Variants in CNBD1 observed in about 807,000 individuals in gnomAD.
CNBD1 encodes cyclic nucleotide-binding domain-containing protein 1.
Under a neutral mutation model 54.4 loss-of-function variants are expected in CNBD1, and 71 were observed. The ratio of observed to expected loss-of-function variants is 1.30; its 90% CI spans 1.08 to 1.59. The LOEUF (loss-of-function observed/expected upper bound fraction) is 1.59, where lower values mean the gene tolerates loss of function less well. CNBD1 is among the 40% of genes most tolerant of loss of function. CNBD1 has a pLI of 0.00. For synonymous variants in CNBD1, 182 were observed against 170.7 expected, an observed-to-expected ratio of 1.07 and a Z score of -0.51; for missense variants, 659 against 518.0, an observed-to-expected ratio of 1.27 and a Z score of -2.64.
chr8:87,218,956 A>G (rs1245414103), intron 5 of CNBD1, among the ~76,000 whole-genome samples: 2 of 152,002 alleles, frequency 1.3e-5, no homozygotes, highest in African/African-American at 4.8e-5. Context: ...ATCCTTTTAG[A>G]TAACAAATGA....
At chr8:87,264,551 C>G (rs1158754747) in intron 6 of CNBD1, among the ~76,000 whole-genome samples, 2 of 151,964 alleles carry the variant, frequency 1.3e-5, no homozygotes, top group African/African-American at 4.8e-5. Context: ...ATTTCTAGTT[C>G]TAGATGCCTG....
intron 4 of CNBD1, among the ~76,000 whole-genome samples, chr8:86,961,482 A>G (rs1478669512): frequency 6.6e-6 from 1 of 152,232 alleles, no homozygotes; most frequent in Non-Finnish European, 1.5e-5. Context: ...CAGATTCCAT[A>G]CAATATTGGG....
intron 2 of CNBD1, chr8:87,428,541 T>C: frequency 2.2e-6 from 1 of 444,660 alleles, no homozygotes; most frequent in Non-Finnish European, 4.5e-6. Context: ...TCTGTTTTCA[T>C]CTAGAATTAG....
chr8:87,397,494 AT>A (rs1811430210), intron 2 of CNBD1, among the ~76,000 whole-genome samples: 1 of 151,940 alleles, frequency 6.6e-6, no homozygotes, highest in African/African-American at 2.4e-5. Context: ...ACAAAACTAA[AT>A]TTACCTCTAC....
intron 3 of CNBD1, among the ~76,000 whole-genome samples, chr8:86,925,341 G>C (rs1474848930): frequency 6.6e-6 from 1 of 152,106 alleles, no homozygotes; most frequent in Non-Finnish European, 1.5e-5. Context: ...AATTTAATTA[G>C]TATTTTTATG....
At chr8:87,058,533 T>A (rs1563452889) in intron 4 of CNBD1, among the ~76,000 whole-genome samples, 1 of 152,202 alleles carries the variant, frequency 6.6e-6, no homozygotes, top group Admixed American at 6.5e-5. Flanking sequence ...CCATACATCC[T>A]CTGAAATCTA....
intron 4 of CNBD1, among the ~76,000 whole-genome samples, chr8:87,063,995 T>C (rs1441583148): frequency 6.6e-6 from 1 of 152,068 alleles, no homozygotes; most frequent in East Asian, 1.9e-4. Flanking sequence ...CAAAAATTTA[T>C]CTGTCATTTT....
chr8:87,137,373 AT>A (rs1047825620), intron 4 of CNBD1, among the ~76,000 whole-genome samples: 50 of 145,504 alleles, frequency 3.4e-4, no homozygotes, highest in Middle Eastern at 3.6e-3. Flanking sequence ...ATATTTTTGA[AT>A]TTTTTTTTTT....
intron 4 of CNBD1, among the ~76,000 whole-genome samples, chr8:87,153,233 G>T (rs534399473): frequency 6.6e-6 from 1 of 152,256 alleles, no homozygotes; most frequent in African/African-American, 2.4e-5. Context: ...TCTTGGGAAA[G>T]AAAATTGCAT....
At chr8:87,355,933 T>C (rs1784690079) in intron 10 of CNBD1, among the ~76,000 whole-genome samples, 1 of 151,996 alleles carries the variant, frequency 6.6e-6, no homozygotes, top group African/African-American at 2.4e-5. Flanking sequence ...AATGAGTGAG[T>C]TCTCACTCTA....
chr8:86,913,353 G>A (rs1308806215), intron 3 of CNBD1, among the ~76,000 whole-genome samples: 1 of 151,750 alleles, frequency 6.6e-6, no homozygotes, highest in Non-Finnish European at 1.5e-5. Flanking sequence ...CCTTTTTTGT[G>A]TTTAGATATG....
chr8:87,263,500 C>T (rs953186548), intron 6 of CNBD1, among the ~76,000 whole-genome samples: 1 of 152,028 alleles, frequency 6.6e-6, no homozygotes, highest in African/African-American at 2.4e-5. Context: ...TAAATAAATA[C>T]ACACAGTCAC....
chr8:87,296,747 A>G (rs775899350), intron 8 of CNBD1, among the ~76,000 whole-genome samples: 3 of 152,130 alleles, frequency 2.0e-5, no homozygotes, highest in Non-Finnish European at 4.4e-5. Flanking sequence ...ACTTTAAATC[A>G]TAAAACAGGC....
chr8:87,376,638 C>CTTTAA (rs140345258), intron 10 of CNBD1, among the ~76,000 whole-genome samples: 2,868 of 151,992 alleles, frequency 0.019, 90 homozygotes, highest in African/African-American at 0.062. Flanking sequence ...CCATAGAAAT[C>CTTTAA]TTTAATAGCT....
intron 6 of CNBD1, among the ~76,000 whole-genome samples, chr8:87,249,254 A>G (rs776794884): frequency 1.3e-5 from 2 of 152,146 alleles, no homozygotes; most frequent in Non-Finnish European, 2.9e-5. Context: ...TCATGCTCCT[A>G]TAAGAATCTA....
At chr8:87,005,661 G>T (rs1809083188) in intron 4 of CNBD1, among the ~76,000 whole-genome samples, 1 of 151,930 alleles carries the variant, frequency 6.6e-6, no homozygotes. Flanking sequence ...AAACAGGCAA[G>T]GAAGACTTTA....
intron 1 of CNBD1, among the ~76,000 whole-genome samples, chr8:86,873,474 C>A (rs1026344447): frequency 7.2e-5 from 11 of 151,800 alleles, no homozygotes; most frequent in Non-Finnish European, 1.6e-4. Context: ...TCTTCCTACT[C>A]AATAACTGGT....
chr8:87,310,886 T>A (rs1232267677), intron 8 of CNBD1, among the ~76,000 whole-genome samples: 1 of 152,014 alleles, frequency 6.6e-6, no homozygotes, highest in Non-Finnish European at 1.5e-5. Context: ...GGTACTGGGA[T>A]AGCTGGCTAG....
rs1809094281 is a variant in CNBD1 at position 86,911,148 on chromosome 8, G to C, written c.272+5954G>C. The stretch of plus-strand genomic sequence containing the variant: ...TGGAGCCTCCATGTTGAACATACCT[G>C]GTTTCCAGGTAGCCCTTTTCTATTG... On this transcript the variant is annotated intron_variant, in intron 3 of 10. Coordinates refer to ENST00000518476, the MANE Select transcript of CNBD1 (RefSeq NM_173538.3). 2.0e-5 allele frequency among the ~76,000 whole-genome samples: 3 copies of C among 152,170 alleles called. No individual in the cohort carries two copies. In the South Asian group the frequency reaches 6.2e-4, roughly 31 times the overall value.
Sources: gnomAD v4.1 joint callset for allele counts (sites outside exome capture counted in the v4.1 genomes callset) on GRCh38, gnomAD v4.1.1 for gene constraint, MANE v1.5 for transcripts, NCBI Gene and HGNC (gene_info 2026-07-23, HGNC 2026-07-21) for gene names.